Variants in ANKRD44 observed in about 807,000 individuals in gnomAD.
ANKRD44 encodes serine/threonine-protein phosphatase 6 regulatory ankyrin repeat subunit B.
Under a neutral mutation model 116.0 loss-of-function variants are expected in ANKRD44, and 35 were observed. The ratio of observed to expected loss-of-function variants is 0.30; its 90% CI spans 0.23 to 0.40. The LOEUF is 0.40. ANKRD44 is among the 10% of genes least tolerant of loss of function. The pLI is 1.00. For missense variants in ANKRD44, 1,014 were observed against 1,242.6 expected, an observed-to-expected ratio of 0.82 and a Z score of 2.77; for synonymous variants, 435 against 461.8, an observed-to-expected ratio of 0.94 and a Z score of 0.74.
At chr2:197,306,964 A>C (rs1414325720) in intron 1 of ANKRD44, among the ~76,000 whole-genome samples, 1 of 152,210 alleles carries the variant, frequency 6.6e-6, no homozygotes, top group Non-Finnish European at 1.5e-5. Context: ...AATAGTGGAC[A>C]CTTTAAACAT....
At chr2:197,100,544 G>A (rs2078268771) in intron 9 of ANKRD44, among the ~76,000 whole-genome samples, 1 of 152,246 alleles carries the variant, frequency 6.6e-6, no homozygotes, top group South Asian at 2.1e-4. Flanking sequence ...TCTGAATGAA[G>A]AATGTATTCA....
At chr2:197,139,851 TG>T (rs1559096336) in intron 3 of ANKRD44, among the ~76,000 whole-genome samples, 44 of 5,044 alleles carry the variant, frequency 8.7e-3, no homozygotes, top group Admixed American at 0.034. Context: ...GCTGCTTTTG[TG>T]TGTGTGTGTG....
intron 21 of ANKRD44, among the ~76,000 whole-genome samples, chr2:197,002,326 G>A (rs1216211176): frequency 1.3e-5 from 2 of 152,132 alleles, no homozygotes; most frequent in South Asian, 2.1e-4. Context: ...TGTTTTAACT[G>A]CCCCCAAGAA....
chr2:196,989,125 T>G lies in ANKRD44; in HGVS notation c.*466A>C, dbSNP rs2075874478. ...CTTTTGGCTAGCCCAGGGTCAAGTGTTTTTTTTTTCACTTTTTTTTTGTTA... is the reference window on the plus strand; with the variant it reads ...CTTTTGGCTAGCCCAGGGTCAAGTGGTTTTTTTTTCACTTTTTTTTTGTTA... On this transcript the variant is annotated 3_prime_UTR_variant, in exon 28 of 28. Coordinates refer to ENST00000282272, the MANE Select transcript of ANKRD44 (RefSeq NM_001195144.2). The G allele has an allele frequency of 1.7e-5, 16 of 933,798 alleles. No homozygotes were observed. The South Asian group carries it at 5.4e-4, about 32-fold the overall frequency. 57.8% of individuals were successfully genotyped at this position (933,798 alleles called of 1,614,324 possible). A position where few individuals can be genotyped will look rare whatever the true frequency, so the allele number is the denominator to read the frequency against.
At chr2:197,237,695 C>G (rs2082006558) in intron 1 of ANKRD44, among the ~76,000 whole-genome samples, 4 of 152,194 alleles carry the variant, frequency 2.6e-5, no homozygotes, top group Admixed American at 2.6e-4. Context: ...CAGAGCATCA[C>G]TCCCTAAAAT....
intron 1 of ANKRD44, among the ~76,000 whole-genome samples, chr2:197,278,572 T>C (rs2083168270): frequency 6.6e-6 from 1 of 152,162 alleles, no homozygotes. Context: ...GGTCTCAAAC[T>C]GCTGGCCTCA....
intron 1 of ANKRD44, among the ~76,000 whole-genome samples, chr2:197,206,732 A>G (rs1160086627): frequency 5.3e-5 from 8 of 152,190 alleles, no homozygotes; most frequent in Admixed American, 4.6e-4. Context: ...CAAACAAACA[A>G]AAAGCATTTT....
rs1205658539 is a variant in ANKRD44, at chr2:197,244,290, G to A, written c.28-57184C>T. 2.0e-5 allele frequency among the ~76,000 whole-genome samples: 3 copies of A among 152,154 alleles called. No homozygotes were observed. In the East Asian group the frequency reaches 5.8e-4, roughly 29 times the overall value. On this transcript the variant is annotated intron_variant, in intron 1 of 27. Coordinates refer to ENST00000282272, the MANE Select transcript of ANKRD44 (RefSeq NM_001195144.2). Reference sequence around the variant, plus strand: ...TTAAGCAACTACGTATAGTGTAATGGGAAAATTGAGTTAAATTTGTGCATC... The same window carrying A: ...TTAAGCAACTACGTATAGTGTAATGAGAAAATTGAGTTAAATTTGTGCATC...
intron 16 of ANKRD44, among the ~76,000 whole-genome samples, chr2:197,071,669 T>C (rs2077561730): frequency 2.0e-5 from 3 of 152,208 alleles, no homozygotes; most frequent in South Asian, 2.1e-4. Context: ...TATTCTCATG[T>C]TGCTGGGTAG....
rs1164372674 is a variant in ANKRD44 at position 197,212,053 on chromosome 2, C to CAG, written c.28-24948_28-24947insCT. Among the ~76,000 whole-genome samples, 22 of 34,120 alleles carry CAG rather than the reference C, an allele frequency of 6.4e-4. No homozygotes were observed. Among genetic ancestry groups the CAG allele is most frequent in the African/African-American group, 9.0e-4 (22 of 24,578 alleles). The allele number at this position is 34,120 out of a possible 152,430, so 22.4% of individuals were successfully genotyped here. On this transcript the variant is annotated intron_variant, in intron 1 of 27. Transcript: ENST00000282272. This position sits in a 1 kb window ranked among gnomAD's most constrained non-coding sequence, Gnocchi z 4.8. ...TCTCTCTCTCAGTCTCTCTCTCTCT[C>CAG]ACACACACACACACACACACACCCC...
At chr2:197,289,119 G>C (rs755238012) in intron 1 of ANKRD44, among the ~76,000 whole-genome samples, 1 of 152,024 alleles carries the variant, frequency 6.6e-6, no homozygotes, top group African/African-American at 2.4e-5. Flanking sequence ...CAAATACACT[G>C]GTTTGGTCAT....
chr2:197,075,466 T>C (rs1357119134), intron 16 of ANKRD44, among the ~76,000 whole-genome samples: 2 of 152,146 alleles, frequency 1.3e-5, no homozygotes, highest in Non-Finnish European at 2.9e-5. Flanking sequence ...TTGAGCCCAA[T>C]TGAATATGAC....
chr2:197,147,224 C>G, intron 2 of ANKRD44, 119 bp from the exon 3 acceptor site: 2 of 747,040 alleles, frequency 2.7e-6, no homozygotes, highest in Non-Finnish European at 4.6e-6. Context: ...AGTGTGAACA[C>G]CAAACATTCG....
intron 1 of ANKRD44, among the ~76,000 whole-genome samples, chr2:197,287,011 A>T (rs932177545): frequency 2.6e-5 from 4 of 152,180 alleles, no homozygotes; most frequent in African/African-American, 9.7e-5. Flanking sequence ...TGGCCCTATA[A>T]TGGTGGATAC....
At chr2:197,295,049 AG>A (rs2083678620) in intron 1 of ANKRD44, among the ~76,000 whole-genome samples, 1 of 152,230 alleles carries the variant, frequency 6.6e-6, no homozygotes, top group African/African-American at 2.4e-5. Flanking sequence ...AAAAAAGTTG[AG>A]TACAAACAAA....
intron 1 of ANKRD44, among the ~76,000 whole-genome samples, chr2:197,195,381 T>C (rs892699098): frequency 1.3e-5 from 2 of 152,142 alleles, no homozygotes; most frequent in Non-Finnish European, 2.9e-5. Context: ...CACTGAGTAC[T>C]GGAGAAGGAG....
chr2:197,271,445 G>A (rs2082896762), intron 1 of ANKRD44, among the ~76,000 whole-genome samples: 1 of 152,190 alleles, frequency 6.6e-6, no homozygotes, highest in Non-Finnish European at 1.5e-5. Flanking sequence ...TTACAGAACT[G>A]TGAGCAATAA....
In ANKRD44 at chr2:197,046,297, G is replaced by A. The variant is rs943479256; in HGVS notation, c.1651-21030C>T. On this transcript the variant is annotated intron_variant, in intron 16 of 27. Coordinates refer to ENST00000282272, the MANE Select transcript of ANKRD44 (RefSeq NM_001195144.2). ...ATGATTTCCTGATGCTAAATTCCAA[G>A]AAGCAGAATATTAAGGCTTTTGATT... is the stretch of plus-strand genomic sequence containing the variant. 7.2e-5 allele frequency among the ~76,000 whole-genome samples: 11 copies of A among 152,158 alleles called. 1 individual carries two copies. In the South Asian group the frequency reaches 1.0e-3, roughly 14 times the overall value.
At chr2:196,984,596 G>T (rs976989664), downstream of ANKRD44, among the ~76,000 whole-genome samples, 1 of 152,200 alleles carries the variant, frequency 6.6e-6, no homozygotes, top group Non-Finnish European at 1.5e-5. Context: ...TGGAATTAGC[G>T]TGAAGGAACC....
Sources: allele counts gnomAD v4.1 joint callset (sites outside exome capture counted in the v4.1 genomes callset), GRCh38; gene constraint gnomAD v4.1.1; non-coding constraint Gnocchi (gnomAD v3.1); transcripts MANE v1.5; gene names NCBI Gene and HGNC (gene_info 2026-07-23, HGNC 2026-07-21).